FBXO11: variants seen among roughly 807,000 people sequenced by gnomAD.
The protein encoded by FBXO11 is F-box only protein 11.
A neutral mutation model predicts 117.0 loss-of-function variants in FBXO11; 13 were observed. That is an observed-to-expected ratio of 0.11 (90% CI 0.07 to 0.18). FBXO11 has a LOEUF of 0.18. FBXO11 is among the 10% of genes least tolerant of loss of function. The pLI is 1.00. For missense variants in FBXO11, 767 were observed against 1,164.4 expected, an observed-to-expected ratio of 0.66 and a Z score of 4.97; for synonymous variants, 490 against 380.5, an observed-to-expected ratio of 1.29 and a Z score of -3.35.
chr2:47,900,120 A>G (rs1351912478), intron 1 of FBXO11, among the ~76,000 whole-genome samples: 1 of 152,138 alleles, frequency 6.6e-6, no homozygotes, highest in African/African-American at 2.4e-5. Context: ...CTTAGGCCTT[A>G]TCAGCAGAGC....
chr2:47,831,726 T>C (rs1672206327), intron 11 of FBXO11, among the ~76,000 whole-genome samples: 2 of 152,176 alleles, frequency 1.3e-5, no homozygotes, highest in Admixed American at 6.5e-5. Flanking sequence ...CAAAAAGTCA[T>C]GTCTCTAGAA....
At chr2:47,838,483 T>TACTGGGTCAAAGGGCATGGATG (rs1672763828) in intron 4 of FBXO11, among the ~76,000 whole-genome samples, 1 of 146,790 alleles carries the variant, frequency 6.8e-6, no homozygotes, top group African/African-American at 2.7e-5. Context: ...GGGCATGAAT[T>TACTGGGTCAAAGGGCATGGATG]ATTTAAAGAT....
intron 7 of FBXO11, 90 bp from the exon 8 acceptor site, chr2:47,833,160 G>A (rs1672310311): frequency 1.3e-6 from 1 of 765,862 alleles, no homozygotes; most frequent in Admixed American, 2.3e-5. Context: ...AAAAACATTA[G>A]TACTGAGTAG....
chr2:47,833,018 G>C lies in FBXO11; in HGVS notation c.987C>G (p.Thr329=). The C allele has an allele frequency of 1.2e-6, 2 of 1,613,718 alleles. No individual in the cohort carries two copies. Among genetic ancestry groups the C allele is most frequent in the Non-Finnish European group, 1.7e-6 (2 of 1,179,802 alleles). Residue 329 remains threonine, a synonymous_variant, in exon 8 of 23, where the codon ACC becomes ACG. Transcript: ENST00000403359. ...CTTCAGAGCCTTCCATAAAAACGAA[G>C]GTTGAATCTCTAGTGTTTTCAATTA... ...KVIIENTRDS[T]FVFMEGSEDA... is the part of the protein sequence containing the mutation.
chr2:47,869,460 G>A (rs1675451747), intron 1 of FBXO11, among the ~76,000 whole-genome samples: 1 of 152,150 alleles, frequency 6.6e-6, no homozygotes, highest in African/African-American at 2.4e-5. Context: ...CTGAAATACA[G>A]GAGATCCCCT....
intron 1 of FBXO11, among the ~76,000 whole-genome samples, chr2:47,892,574 C>G (rs1007365227): frequency 6.6e-6 from 1 of 152,172 alleles, no homozygotes; most frequent in Non-Finnish European, 1.5e-5. Flanking sequence ...AATGCAGAAT[C>G]AGAAAGATTC....
intron 1 of FBXO11, among the ~76,000 whole-genome samples, chr2:47,881,298 C>T (rs2103904350): frequency 6.6e-6 from 1 of 152,122 alleles, no homozygotes; most frequent in African/African-American, 2.4e-5. Context: ...TTAGGGCTGT[C>T]TTGTTATGTA....
intron 1 of FBXO11, among the ~76,000 whole-genome samples, chr2:47,900,039 C>A (rs1254968081): frequency 6.6e-6 from 1 of 152,084 alleles, no homozygotes; most frequent in African/African-American, 2.4e-5. Flanking sequence ...CCTAGTAGGT[C>A]TCCAAGCTGG....
chr2:47,846,825 G>A (rs1673453368), intron 1 of FBXO11, among the ~76,000 whole-genome samples: 1 of 151,990 alleles, frequency 6.6e-6, no homozygotes, highest in Non-Finnish European at 1.5e-5. Flanking sequence ...GTACGTATGT[G>A]TAACACAGCA....
intron 1 of FBXO11, among the ~76,000 whole-genome samples, chr2:47,871,417 T>C (rs754084357): frequency 6.6e-6 from 1 of 152,200 alleles, no homozygotes; most frequent in Non-Finnish European, 1.5e-5. Flanking sequence ...ACAGTTTGAG[T>C]GCAACCTAAT....
At chr2:47,905,405 C>G in intron 1 of FBXO11, 84 bp downstream of exon 1, 1 of 408,952 alleles carries the variant, frequency 2.4e-6, no homozygotes, top group Non-Finnish European at 2.9e-6. Flanking sequence ...AGGCCGCCCC[C>G]GCCCGCCCGC....
chr2:47,857,426 T>C (rs967504694), intron 1 of FBXO11, among the ~76,000 whole-genome samples: 4 of 152,094 alleles, frequency 2.6e-5, no homozygotes, highest in African/African-American at 9.7e-5. Flanking sequence ...TGGCCAGAAA[T>C]TTTATGGTCT....
rs183628081 is a variant in FBXO11, at chr2:47,884,445, G to A, written c.232+21044C>T. Among the ~76,000 whole-genome samples the A allele has an allele frequency of 7.2e-3, 1,089 of 152,186 alleles. 75 individuals are homozygous for A. The highest frequency in any genetic ancestry group is 0.063 in the Admixed American group (961 of 15,274). On this transcript the variant is annotated intron_variant, in intron 1 of 22. Coordinates refer to ENST00000403359, the MANE Select transcript of FBXO11 (RefSeq NM_001190274.2). ...TAAACTAATAGCTTCTGTCCCTTTC[G>A]GATGTTTTTGATAGCCCTCAAATAA...
At chr2:47,857,572 A>T (rs529558266) in intron 1 of FBXO11, among the ~76,000 whole-genome samples, 48 of 152,226 alleles carry the variant, frequency 3.2e-4, no homozygotes, top group Admixed American at 6.5e-4. Flanking sequence ...CAATAAAAAT[A>T]ATCATGGGGG....
chr2:47,843,432 T>C (rs1052157394), intron 1 of FBXO11, among the ~76,000 whole-genome samples: 11 of 121,618 alleles, frequency 9.0e-5, no homozygotes, highest in Admixed American at 1.6e-4. Flanking sequence ...GTAGTTAATC[T>C]TTTTTTTTTT....
intron 1 of FBXO11, among the ~76,000 whole-genome samples, chr2:47,884,765 A>G (rs868756046): frequency 6.6e-6 from 1 of 152,214 alleles, no homozygotes; most frequent in Non-Finnish European, 1.5e-5. Context: ...ATTATAATTT[A>G]GTAATTAAAA....
chr2:47,810,277 A>G, intron 19 of FBXO11, 39 bp downstream of exon 19: 2 of 1,347,854 alleles, frequency 1.5e-6, no homozygotes, highest in Non-Finnish European at 2.1e-6. Flanking sequence ...ACTTTGCAGA[A>G]CTATATATAA....
chr2:47,856,122 A>C (rs1246808950), intron 1 of FBXO11, among the ~76,000 whole-genome samples: 1 of 152,196 alleles, frequency 6.6e-6, no homozygotes, highest in Non-Finnish European at 1.5e-5. Flanking sequence ...AAAGATGAAA[A>C]ACAAACAAAA....
rs530054089 is a variant in FBXO11, at chr2:47,824,312, G to A, written c.1399-952C>T. 1.5e-3 allele frequency among the ~76,000 whole-genome samples: 222 copies of A among 152,190 alleles called. 1 individual carries two copies. Among genetic ancestry groups the A allele is most frequent in the Middle Eastern group, 6.8e-3 (2 of 294 alleles). On this transcript the variant is annotated intron_variant, in intron 11 of 22. Coordinates refer to ENST00000403359, the MANE Select transcript of FBXO11 (RefSeq NM_001190274.2). ...AGACCAGCCTGGGTAACAGTGAGAC[G>A]TCGTCTCTACAGAAAAAGTTAAAAA... is the stretch of plus-strand genomic sequence containing the variant.
Sources: allele counts gnomAD v4.1 joint callset (sites outside exome capture counted in the v4.1 genomes callset), GRCh38; gene constraint gnomAD v4.1.1; transcripts MANE v1.5; gene names NCBI Gene and HGNC (gene_info 2026-07-23, HGNC 2026-07-21).